The following AKR1C1 variants were observed in gnomAD, a reference collection of about 807,000 sequenced individuals.
AKR1C1 encodes the protein aldo-keto reductase family 1 member C1, also known as 20 alpha-hydroxysteroid dehydrogenase.
In AKR1C1, 32 loss-of-function variants were observed where a neutral mutation model predicts 40.6. The ratio of observed to expected loss-of-function variants is 0.79; its 90% confidence interval spans 0.60 to 1.06. AKR1C1 has a LOEUF of 1.06. Ranked by LOEUF, AKR1C1 falls within the 50% of genes least tolerant of loss-of-function variation. The pLI is 0.00. For missense variants in AKR1C1, 320 were observed against 363.5 expected (o/e 0.88, Z 0.97); for synonymous variants, 105 against 134.2 (o/e 0.78, Z 1.50).
At chr10:4,971,304 A>T (rs1226725651) in intron 5 of AKR1C1, among the ~76,000 whole-genome samples, 2 of 152,052 alleles carry the variant, frequency 1.3e-5, no homozygotes, top group Admixed American at 6.5e-5. Context: ...CCTCTAAGTG[A>T]GGGTAAAGGT....
chr10:4,964,443 G>A (rs1564314269), intron 1 of AKR1C1, among the ~76,000 whole-genome samples: 1 of 152,322 alleles, frequency 6.6e-6, no homozygotes, highest in African/African-American at 2.4e-5. Context: ...GCTTTGGTAA[G>A]CCTTTGAGTA....
Position 4,981,197 on chromosome 10 carries a change from T to A in AKR1C1, c.*3455T>A, listed in dbSNP as rs1431411296. ...TATTTAAGGAGATGTGGCTTAAATA[T>A]CTAGGCTTTCTTGCTTTATTTATAG... On this transcript the variant is annotated 3_prime_UTR_variant, in exon 9 of 9. Transcript: ENST00000380872. 1 of 152,222 alleles carries A rather than the reference T, an allele frequency of 6.6e-6. No homozygotes were observed. The highest frequency in any genetic ancestry group is 1.5e-5 in the Non-Finnish European group (1 of 68,040). The allele number at this position is 152,222 out of a possible 1,614,324, so 9.4% of individuals were successfully genotyped here.
At chr10:4,967,470 GT>G (rs1351352946) in intron 3 of AKR1C1, 2 of 989,278 alleles carry the variant, frequency 2.0e-6, no homozygotes, top group Non-Finnish European at 2.4e-6. Flanking sequence ...CAGTCCGGGA[GT>G]GTCTTAAACT....
rs962034762 is a variant in AKR1C1, at chr10:4,966,059, A to T, written c.230A>T (p.Glu77Val). The stretch of plus-strand genomic sequence containing the variant: ...ATTGCAGATGGCAGTGTGAAGAGAG[A>T]AGACATATTCTACACTTCAAAGGTA... ...SKIADGSVKR[E>V]DIFYTSKLWC... The change falls in exon 2 of 9, where the codon GAA becomes GTA. Residue 77 changes from glutamate to valine, a missense_variant. Physicochemically the swap from Glu to Val is moderately radical, Grantham distance 121. Around this residue, in one of 3 missense-constraint regions of AKR1C1, gnomAD observed 214 missense variants for 214.8 expected, o/e 1.00. Transcript: ENST00000380872. 4 of 1,613,874 alleles carry T rather than the reference A, an allele frequency of 2.5e-6. No homozygotes were observed. The Admixed American group carries it at 5.0e-5, about 20-fold the overall frequency.
At chr10:4,971,500 A>G (rs1836426015) in intron 5 of AKR1C1, among the ~76,000 whole-genome samples, 1 of 114,748 alleles carries the variant, frequency 8.7e-6, no homozygotes, top group East Asian at 2.7e-4. Flanking sequence ...CTCAGCATAT[A>G]TATATTATAT....
At chr10:4,969,159 T>C (rs1030125558) in intron 5 of AKR1C1, among the ~76,000 whole-genome samples, 1 of 152,216 alleles carries the variant, frequency 6.6e-6, no homozygotes, top group African/African-American at 2.4e-5. Flanking sequence ...AATTGTGTGT[T>C]ATATTTATGG....
rs1413864302 is a variant in AKR1C1 at position 4,963,494 on chromosome 10, C to T, written c.50C>T (p.Pro17Leu). 1 of 1,613,776 alleles carries T rather than the reference C, an allele frequency of 6.2e-7. No individual in the cohort carries two copies. Among genetic ancestry groups the T allele is most frequent in the Non-Finnish European group, 8.5e-7 (1 of 1,179,920 alleles). Reference protein sequence around the residue: ...CVKLNDGHFMPVLGFGTYAPA... With the variant: ...CVKLNDGHFMLVLGFGTYAPA... ...AAGCTGAATGATGGTCACTTCATGCCTGTCCTGGGATTTGGCACCTATGCG... is the reference window on the plus strand; with the variant it reads ...AAGCTGAATGATGGTCACTTCATGCTTGTCCTGGGATTTGGCACCTATGCG... Residue 17 changes from proline to leucine, a missense_variant, in exon 1 of 9, where the codon CCT (proline) becomes CTT (leucine). By Grantham distance (98) the Pro-to-Leu change is moderately conservative. This residue lies in a region of AKR1C1 where 214 missense variants were observed against 214.8 expected (regional missense o/e 1.00). Transcript: ENST00000380872.
At position 4,972,746 on chromosome 10, in the gene AKR1C1, G is replaced by A. The variant is rs1458972730; in HGVS notation, c.843G>A (p.Val281=). The A allele has an allele frequency of 7.4e-6, 12 of 1,611,964 alleles. No homozygotes were observed. Among genetic ancestry groups the A allele is most frequent in the Non-Finnish European group, 1.0e-5 (12 of 1,179,868 alleles). The part of the protein sequence containing the change: ...SYNEQRIRQN[V]QVFEFQLTSE... ...ATGAGCAGCGCATCAGACAGAACGT[G>A]CAGGTGAGGAGCGGGGCTGTGGGCC... The change falls in exon 7 of 9, where the codon GTG becomes GTA. Residue 281 remains valine (V), a synonymous_variant. Transcript: ENST00000380872.
chr10:4,969,805 T>C, intron 5 of AKR1C1: 1 of 1,504,230 alleles, frequency 6.6e-7, no homozygotes, highest in Admixed American at 1.9e-5. Flanking sequence ...GTAAATTACA[T>C]TTTTTTGTTT....
intron 7 of AKR1C1, among the ~76,000 whole-genome samples, chr10:4,973,426 C>CCTG (rs1236814180): frequency 6.6e-6 from 1 of 152,192 alleles, no homozygotes; most frequent in Non-Finnish European, 1.5e-5. Flanking sequence ...CCTGGGGCAT[C>CCTG]TGTGTGAGCG....
chr10:4,969,773 T>A lies in AKR1C1; in HGVS notation c.570+829T>A, dbSNP rs1316311720. 7 of 1,599,012 alleles carry A rather than the reference T, an allele frequency of 4.4e-6. No individual in the cohort carries two copies. The Admixed American group carries it at 1.0e-4, about 23-fold the overall frequency. On this transcript the variant is annotated intron_variant, in intron 5 of 8. Coordinates refer to ENST00000380872, the MANE Select transcript of AKR1C1 (RefSeq NM_001353.6). ...CCAAATGTTACACACATTTCAGCAT[T>A]AAAGTTACTACACTTTTCCCAGTAA...
At position 4,983,157 on chromosome 10, in the gene AKR1C1, C is replaced by T; in HGVS notation, c.*5415C>T. ...GCCCCATGGACATCCTGAAGCAGAGCTGCCTCACTGCCCTGCACACACATG... is the reference window on the plus strand; with the variant it reads ...GCCCCATGGACATCCTGAAGCAGAGTTGCCTCACTGCCCTGCACACACATG... On this transcript the variant is annotated 3_prime_UTR_variant, in exon 9 of 9. Transcript: ENST00000380872. 1 of 254,288 alleles carries T rather than the reference C, an allele frequency of 3.9e-6. No homozygotes were observed. Among genetic ancestry groups the T allele is most frequent in the Non-Finnish European group, 7.8e-6 (1 of 127,996 alleles). The allele number at this position is 254,288 out of a possible 1,614,324, so 15.8% of individuals were successfully genotyped here. A position where few individuals can be genotyped will look rare whatever the true frequency, so the allele number is the denominator to read the frequency against.
chr10:4,969,553 G>A, intron 5 of AKR1C1: 2 of 1,010,100 alleles, frequency 2.0e-6, no homozygotes. Context: ...CACTGAGGAA[G>A]GTTCAGCAGA....
rs1439124365 is a variant in AKR1C1 at position 4,981,550 on chromosome 10, T to C, written c.*3808T>C. 1 of 152,162 alleles carries C rather than the reference T, an allele frequency of 6.6e-6. No homozygotes were observed. Among genetic ancestry groups the C allele is most frequent in the Non-Finnish European group, 1.5e-5 (1 of 68,032 alleles). The allele number at this position is 152,162 out of a possible 1,614,324, so 9.4% of individuals were successfully genotyped here. The stretch of plus-strand genomic sequence containing the variant: ...AGAGATTTACATTGTGAATTTCTTT[T>C]CAAGAACCAATGCAGAGACTTAACA... On this transcript the variant is annotated 3_prime_UTR_variant, in exon 9 of 9. Coordinates refer to ENST00000380872, the MANE Select transcript of AKR1C1 (RefSeq NM_001353.6).
chr10:4,967,177 C>A, intron 3 of AKR1C1, 134 bp downstream of exon 3: 1 of 1,027,886 alleles, frequency 9.7e-7, no homozygotes, highest in Non-Finnish European at 1.4e-6. Context: ...CTAAATCTAA[C>A]TCCTAATTCC....
In AKR1C1 at chr10:4,977,809, C is replaced by G; in HGVS notation, c.*67C>G. 1.4e-6 allele frequency: 2 copies of G among 1,481,010 alleles called. No individual in the cohort carries two copies. The highest frequency in any genetic ancestry group is 1.9e-6 in the Non-Finnish European group (2 of 1,068,048). 91.7% of individuals were successfully genotyped at this position (1,481,010 alleles called of 1,614,324 possible). On this transcript the variant is annotated 3_prime_UTR_variant, in exon 9 of 9. Transcript: ENST00000380872. ...GTGGATGGTGACACAGAGGATGGCT[C>G]TATGCTGGTGACTGGACACATCGCC...
At position 4,982,440 on chromosome 10, in the gene AKR1C1, C is replaced by CT. The variant is rs1323867648; in HGVS notation, c.*4704dup. 1 of 150,034 alleles carries CT rather than the reference C, an allele frequency of 6.7e-6. No homozygotes were observed. The highest frequency in any genetic ancestry group is 1.5e-5 in the Non-Finnish European group (1 of 67,556). 9.3% of individuals were successfully genotyped at this position (150,034 alleles called of 1,614,324 possible). A position where few individuals can be genotyped will look rare whatever the true frequency, so the allele number is the denominator to read the frequency against. On this transcript the variant is annotated 3_prime_UTR_variant, in exon 9 of 9. Transcript: ENST00000380872. ...TAAGCGGCCCACTACTTCCCACTCC[C>CT]TTTTTTGAACTCTTCTGTGCAGCAG... is the stretch of plus-strand genomic sequence containing the variant.
At chr10:4,967,113 T>C (rs1390420342) in intron 3 of AKR1C1, 70 bp downstream of exon 3, 2 of 1,471,554 alleles carry the variant, frequency 1.4e-6, no homozygotes, top group East Asian at 4.5e-5. Flanking sequence ...TATGGATATT[T>C]GAACTAAGCA....
At position 4,981,844 on chromosome 10, in the gene AKR1C1, A is replaced by T. The variant is rs1836622157; in HGVS notation, c.*4102A>T. 6.6e-6 allele frequency: 1 copy of T among 152,226 alleles called. No individual in the cohort carries two copies. The highest frequency in any genetic ancestry group is 1.5e-5 in the Non-Finnish European group (1 of 68,078). 9.4% of individuals were successfully genotyped at this position (152,226 alleles called of 1,614,324 possible). A position where few individuals can be genotyped will look rare whatever the true frequency, so the allele number is the denominator to read the frequency against. On this transcript the variant is annotated 3_prime_UTR_variant, in exon 9 of 9. Transcript: ENST00000380872. ...GCTGGGTGTCCAGCCTTGTGGGCAGACCGGGAGGGATGTGGCCTGAAAGCC... is the reference window on the plus strand; with the variant it reads ...GCTGGGTGTCCAGCCTTGTGGGCAGTCCGGGAGGGATGTGGCCTGAAAGCC...
Sources: allele counts gnomAD v4.1 joint callset (sites outside exome capture counted in the v4.1 genomes callset), GRCh38; gene constraint gnomAD v4.1.1; regional missense constraint gnomAD v4.1.1; transcripts MANE v1.5; gene names NCBI Gene and HGNC (gene_info 2026-07-23, HGNC 2026-07-21).